Variants in MPDZ observed in about 807,000 individuals in gnomAD.
MPDZ encodes multiple PDZ domain crumbs cell polarity complex component.
A neutral mutation model predicts 239.1 loss-of-function variants in MPDZ; 234 were observed. The ratio of observed to expected loss-of-function variants is 0.98; its 90% CI spans 0.88 to 1.09. The LOEUF is 1.09. MPDZ is among the 50% of genes least tolerant of loss of function. The pLI, the probability that MPDZ is intolerant of heterozygous loss-of-function variation, is 0.00. For missense variants in MPDZ, 3,175 were observed against 2,510.0 expected, an observed-to-expected ratio of 1.26 and a Z score of -5.66; for synonymous variants, 1,048 against 881.3, an observed-to-expected ratio of 1.19 and a Z score of -3.35.
chr9:13,184,887 C>T (rs901362395), intron 18 of MPDZ, among the ~76,000 whole-genome samples: 7 of 151,874 alleles, frequency 4.6e-5, no homozygotes, highest in East Asian at 1.9e-4. Flanking sequence ...AGACCCAGGA[C>T]GCATATTACT....
At position 13,279,262 on chromosome 9, in the gene MPDZ, C is replaced by T. The variant is rs1588304846; in HGVS notation, c.-58+138G>A. On this transcript the variant is annotated intron_variant, in intron 1 of 46. Transcript: ENST00000319217. ...CCGCCGCCACCCCTACCCCCACCCCCACCCCCACCCCCATCCCCGCCCCCA... is the reference window on the plus strand; with the variant it reads ...CCGCCGCCACCCCTACCCCCACCCCTACCCCCACCCCCATCCCCGCCCCCA... 3 of 132,208 alleles carry T rather than the reference C, an allele frequency of 2.3e-5. 1 individual carries two copies. The South Asian group carries it at 7.2e-4, about 32-fold the overall frequency. The allele number at this position is 132,208 out of a possible 1,614,324, so 8.2% of individuals were successfully genotyped here.
At chr9:13,272,116 T>A (rs1201464434) in intron 1 of MPDZ, among the ~76,000 whole-genome samples, 1 of 152,300 alleles carries the variant, frequency 6.6e-6, no homozygotes, top group East Asian at 1.9e-4. Context: ...ACACTCTCAA[T>A]ATGTGTAGTT....
At chr9:13,165,524 G>GT (rs36052567) in intron 22 of MPDZ, 166 of 1,286,712 alleles carry the variant, frequency 1.3e-4, no homozygotes, top group Middle Eastern at 2.0e-4. Flanking sequence ...GCTCCTGGTT[G>GT]TTTTTTTTCC....
intron 23 of MPDZ, among the ~76,000 whole-genome samples, chr9:13,160,215 G>A (rs1950300098): frequency 6.6e-6 from 1 of 152,140 alleles, no homozygotes; most frequent in African/African-American, 2.4e-5. Flanking sequence ...CCAATGGTAA[G>A]AACATGGAGT....
At chr9:13,128,186 A>AAGGAACC (rs1234102533) in intron 32 of MPDZ, among the ~76,000 whole-genome samples, 1 of 152,170 alleles carries the variant, frequency 6.6e-6, no homozygotes, top group African/African-American at 2.4e-5. Context: ...TTCCTTCAGG[A>AAGGAACC]AGGAACCTAA....
intron 10 of MPDZ, among the ~76,000 whole-genome samples, chr9:13,211,926 AC>A (rs1366448891): frequency 6.6e-6 from 1 of 152,076 alleles, no homozygotes; most frequent in Non-Finnish European, 1.5e-5. Context: ...TATTCTTTAA[AC>A]CTTAAAGACA....
At chr9:13,118,855 G>A (rs1041340294) in intron 39 of MPDZ, among the ~76,000 whole-genome samples, 2 of 152,262 alleles carry the variant, frequency 1.3e-5, no homozygotes, top group Non-Finnish European at 2.9e-5. Context: ...CCAATTTTAT[G>A]ATGTAAAATG....
chr9:13,107,233 C>G, intron 46 of MPDZ, 122 bp from the exon 47 acceptor site: 5 of 1,013,092 alleles, frequency 4.9e-6, no homozygotes, highest in Non-Finnish European at 5.6e-6. Context: ...GCTCCCAGTG[C>G]TCCATGGGTG....
chr9:13,150,592 C>A lies in MPDZ; in HGVS notation c.3549G>T (p.Arg1183Ser). 1 of 1,561,024 alleles carries A rather than the reference C, an allele frequency of 6.4e-7. No individual in the cohort carries two copies. The highest frequency in any genetic ancestry group is 8.7e-7 in the Non-Finnish European group (1 of 1,151,936). ...GSRLSNGEVM[R>S]GIFIKHVLED... is the part of the protein sequence containing the mutation. Reference sequence around the variant, plus strand: ...CCAGAACATGTTTGATGAAAATGCCCCTCATCACTTCTCCATTGCTTAGCC... The same window carrying A: ...CCAGAACATGTTTGATGAAAATGCCACTCATCACTTCTCCATTGCTTAGCC... The change falls in exon 25 of 47, where the codon AGG (arginine) becomes AGT (serine). Residue 1183 changes from arginine (R) to serine (S), a missense_variant. Arg to Ser is a moderately radical substitution (Grantham distance 110). Transcript: ENST00000319217.
At chr9:13,157,883 T>C (rs1161103699) in intron 24 of MPDZ, 135 bp downstream of exon 24, 1 of 695,340 alleles carries the variant, frequency 1.4e-6, no homozygotes, top group African/African-American at 1.8e-5. Context: ...CATTAAAAAA[T>C]GATGGGTTAG....
At chr9:13,274,525 T>G (rs1973722638) in intron 1 of MPDZ, 1 of 152,044 alleles carries the variant, frequency 6.6e-6, no homozygotes, top group East Asian at 1.9e-4. Flanking sequence ...CTCCTTTTAT[T>G]TATTTATTTA....
chr9:13,254,809 T>C (rs916925828), intron 1 of MPDZ, among the ~76,000 whole-genome samples: 2 of 152,234 alleles, frequency 1.3e-5, no homozygotes, highest in African/African-American at 4.8e-5. Context: ...CTAGTGATCA[T>C]CTGAGCCTTT....
intron 35 of MPDZ, among the ~76,000 whole-genome samples, chr9:13,124,698 G>C (rs893369868): frequency 6.6e-6 from 1 of 152,140 alleles, no homozygotes; most frequent in Admixed American, 6.5e-5. Context: ...ATAGAACTCA[G>C]ATCTGTAGAT....
Position 13,206,849 on chromosome 9 carries a change from TA to T in MPDZ, c.1291-751del, listed in dbSNP as rs944257067. Among the ~76,000 whole-genome samples the T allele has an allele frequency of 2.1e-4, 32 of 152,146 alleles. 1 individual carries two copies. The highest frequency in any genetic ancestry group is 7.2e-4 in the African/African-American group (30 of 41,536). On this transcript the variant is annotated intron_variant, in intron 10 of 46. Transcript: ENST00000319217. ...GAGCCACTGCACCCGGCCTACTTTT[TA>T]AAAAAATTTGTAGAGATGGGGTCTC...
chr9:13,146,526 T>C (rs1948457186), intron 26 of MPDZ, among the ~76,000 whole-genome samples: 1 of 152,038 alleles, frequency 6.6e-6, no homozygotes, highest in African/African-American at 2.4e-5. Context: ...TCACATATGT[T>C]GATATTTTTG....
intron 17 of MPDZ, among the ~76,000 whole-genome samples, chr9:13,186,696 A>G (rs1434973859): frequency 6.6e-6 from 1 of 151,826 alleles, no homozygotes; most frequent in African/African-American, 2.4e-5. Flanking sequence ...TTTTTTTAAT[A>G]TTCTAATAAT....
rs138163812 is a variant in MPDZ at position 13,119,407 on chromosome 9, G to C, written c.5379+95C>G. On this transcript the variant is annotated intron_variant, in intron 39 of 46. Coordinates refer to ENST00000319217, the MANE Select transcript of MPDZ (RefSeq NM_001378778.1). ...GCCTTGAGGTGACACTTTAAATAAA[G>C]AGAAGTCATTACTAATTTGACTATG... 3.8e-4 allele frequency: 533 copies of C among 1,413,920 alleles called. 1 individual carries two copies. Among genetic ancestry groups the C allele is most frequent in the African/African-American group, 7.6e-4 (53 of 69,966 alleles). 87.6% of individuals were successfully genotyped at this position (1,413,920 alleles called of 1,614,324 possible). A position where few individuals can be genotyped will look rare whatever the true frequency, so the allele number is the denominator to read the frequency against.
rs547572628 is a variant in MPDZ at position 13,115,362 on chromosome 9, T to C, written c.5380-28A>G. Reference sequence around the variant, plus strand: ...GGGGGTGGGCATGGGGGGTGTTTTATGGAAATGTTTAAATAAAATGCTATA... The same window carrying C: ...GGGGGTGGGCATGGGGGGTGTTTTACGGAAATGTTTAAATAAAATGCTATA... On this transcript the variant is annotated intron_variant, in intron 39 of 46. Transcript: ENST00000319217. The C allele has an allele frequency of 9.0e-6, 14 of 1,551,908 alleles. No homozygotes were observed. In the East Asian group the frequency reaches 2.2e-4, roughly 25 times the overall value.
chr9:13,258,174 T>C (rs1969873889), intron 1 of MPDZ, among the ~76,000 whole-genome samples: 1 of 152,238 alleles, frequency 6.6e-6, no homozygotes, highest in East Asian at 1.9e-4. Flanking sequence ...TTCAACAAGT[T>C]GTAATGGTAA....
Sources: gnomAD v4.1 joint callset for allele counts (sites outside exome capture counted in the v4.1 genomes callset) on GRCh38, gnomAD v4.1.1 for gene constraint, MANE v1.5 for transcripts, NCBI Gene and HGNC (gene_info 2026-07-23, HGNC 2026-07-21) for gene names.